Variants in CA10 observed in about 807,000 individuals in gnomAD.
CA10 encodes carbonic anhydrase-related protein 10.
CA10 carries 14 observed loss-of-function variants against 44.2 expected under a neutral mutation model. The ratio of observed to expected loss-of-function variants is 0.32; its 90% CI spans 0.21 to 0.50. The LOEUF (loss-of-function observed/expected upper bound fraction) is 0.50, where lower values mean the gene tolerates loss of function less well. Among genes scored for constraint, CA10 ranks in the 20% least tolerant of loss-of-function variants. The pLI, the probability that CA10 is intolerant of heterozygous loss-of-function variation, is 0.99. For missense variants in CA10, 350 were observed against 409.7 expected (o/e 0.85, Z 1.26); for synonymous variants, 159 against 141.6 (o/e 1.12, Z -0.87).
chr17:51,678,260 A>C (rs1012348838), intron 4 of CA10, among the ~76,000 whole-genome samples: 3 of 152,216 alleles, frequency 2.0e-5, no homozygotes, highest in Admixed American at 2.0e-4. Context: ...TTCCTTTTGG[A>C]ATGGTGAAAG....
At chr17:51,814,077 T>A (rs1472640373) in intron 3 of CA10, among the ~76,000 whole-genome samples, 1 of 152,192 alleles carries the variant, frequency 6.6e-6, no homozygotes, top group African/African-American at 2.4e-5. Flanking sequence ...ATTAATCTGG[T>A]CTGTGACTTC....
At chr17:52,090,720 G>A (rs1033555164) in intron 1 of CA10, among the ~76,000 whole-genome samples, 5 of 152,018 alleles carry the variant, frequency 3.3e-5, no homozygotes, top group African/African-American at 1.2e-4. Context: ...GGTTTTTTAT[G>A]CATTCTAGGT....
chr17:51,711,632 A>T (rs1915945536), intron 4 of CA10, among the ~76,000 whole-genome samples: 1 of 152,228 alleles, frequency 6.6e-6, no homozygotes, highest in Non-Finnish European at 1.5e-5. Context: ...GTCCCCAGAA[A>T]AGGGGAAGGA....
intron 1 of CA10, among the ~76,000 whole-genome samples, chr17:52,090,205 A>G (rs1988222603): frequency 6.6e-6 from 1 of 152,196 alleles, no homozygotes; most frequent in Admixed American, 6.5e-5. Flanking sequence ...TTCAAAAGTG[A>G]TAGGCCAAGT....
rs991235198 is a variant in CA10, at chr17:52,052,260, C to T, written c.136+20059G>A. Reference sequence around the variant, plus strand: ...TAAGTTTACCTAGGTAACAAACAAACCTGCACTTGTACCCCTGAACTTAAA... The same window carrying T: ...TAAGTTTACCTAGGTAACAAACAAATCTGCACTTGTACCCCTGAACTTAAA... On this transcript the variant is annotated intron_variant, in intron 2 of 8. Transcript: ENST00000451037. 3.4e-5 allele frequency among the ~76,000 whole-genome samples: 5 copies of T among 148,546 alleles called. No individual in the cohort carries two copies. In the East Asian group the frequency reaches 1.0e-3, roughly 30 times the overall value.
chr17:51,867,538 T>G (rs537427047), intron 3 of CA10, among the ~76,000 whole-genome samples: 1 of 152,284 alleles, frequency 6.6e-6, no homozygotes, highest in African/African-American at 2.4e-5. Context: ...CTCTAGGTGG[T>G]TGTGAGAATT....
chr17:52,063,708 C>T (rs928496895), intron 2 of CA10, among the ~76,000 whole-genome samples: 1 of 152,176 alleles, frequency 6.6e-6, no homozygotes, highest in South Asian at 2.1e-4. Context: ...GAGGCCCTCA[C>T]CAGATGCAGA....
intron 2 of CA10, among the ~76,000 whole-genome samples, chr17:51,934,119 C>G (rs926929216): frequency 2.6e-5 from 4 of 152,224 alleles, no homozygotes; most frequent in Non-Finnish European, 5.9e-5. Flanking sequence ...GGCTCCAGCC[C>G]TGAACTGCTA....
chr17:51,861,192 A>G (rs903906133), intron 3 of CA10, among the ~76,000 whole-genome samples: 12 of 151,876 alleles, frequency 7.9e-5, no homozygotes, highest in Non-Finnish European at 1.6e-4. Context: ...GAGATCTGAT[A>G]CTCCTAGTAG....
At chr17:51,807,068 T>C (rs1320121241) in intron 3 of CA10, among the ~76,000 whole-genome samples, 1 of 152,244 alleles carries the variant, frequency 6.6e-6, no homozygotes, top group Admixed American at 6.5e-5. Context: ...AAGGTATTAG[T>C]TGAGATGCAA....
intron 1 of CA10, among the ~76,000 whole-genome samples, chr17:52,136,989 T>G (rs541039323): frequency 6.6e-6 from 1 of 152,338 alleles, no homozygotes; most frequent in African/African-American, 2.4e-5. Flanking sequence ...ATTTTTTCCC[T>G]GTAAAAATTA....
rs182245741 is a variant in CA10 at position 51,705,319 on chromosome 17, T to A, written c.465+42314A>T. On this transcript the variant is annotated intron_variant, in intron 4 of 8. Coordinates refer to ENST00000451037, the MANE Select transcript of CA10 (RefSeq NM_020178.5). ...CCAGGTGAGGCCTGGCTTCTATATA[T>A]ACACATAGATCAATGTTTCTTCCTT... Among the ~76,000 whole-genome samples, 9 of 152,266 alleles carry A rather than the reference T, an allele frequency of 5.9e-5. No individual in the cohort carries two copies. In the East Asian group the frequency reaches 7.7e-4, roughly 13 times the overall value.
At chr17:51,951,022 C>A (rs1370935929) in intron 2 of CA10, among the ~76,000 whole-genome samples, 1 of 152,082 alleles carries the variant, frequency 6.6e-6, no homozygotes, top group African/African-American at 2.4e-5. Flanking sequence ...TGGAAATCAC[C>A]AACTTAAGGA....
intron 2 of CA10, among the ~76,000 whole-genome samples, chr17:52,059,782 C>G (rs969122864): frequency 6.6e-6 from 1 of 152,106 alleles, no homozygotes; most frequent in Non-Finnish European, 1.5e-5. Flanking sequence ...CAATATGCCA[C>G]AGGGCTCATT....
At chr17:52,026,288 A>T (rs1272395231) in intron 2 of CA10, among the ~76,000 whole-genome samples, 2 of 152,178 alleles carry the variant, frequency 1.3e-5, no homozygotes, top group African/African-American at 4.8e-5. Flanking sequence ...AAATTACGTA[A>T]GCCTCAAAGT....
At chr17:51,665,764 C>T (rs1193158092) in intron 4 of CA10, among the ~76,000 whole-genome samples, 7 of 152,280 alleles carry the variant, frequency 4.6e-5, no homozygotes, top group African/African-American at 7.2e-5. Flanking sequence ...AATCAAAATA[C>T]GATATTGTAG....
intron 6 of CA10, among the ~76,000 whole-genome samples, chr17:51,646,291 G>A (rs999846708): frequency 6.6e-6 from 1 of 152,212 alleles, no homozygotes; most frequent in Non-Finnish European, 1.5e-5. Context: ...GAGCCTGTAT[G>A]TAAAGCATAG....
chr17:52,102,708 T>C (rs1363456661), intron 1 of CA10, among the ~76,000 whole-genome samples: 1 of 152,220 alleles, frequency 6.6e-6, no homozygotes, highest in African/African-American at 2.4e-5. Flanking sequence ...AACCACTTGC[T>C]GCCTGATTCA....
intron 4 of CA10, among the ~76,000 whole-genome samples, chr17:51,681,169 G>C (rs2143390618): frequency 6.6e-6 from 1 of 152,276 alleles, no homozygotes; most frequent in African/African-American, 2.4e-5. Context: ...ACCTGGATAA[G>C]TTATTTTAAA....
Sources: allele counts gnomAD v4.1 joint callset (sites outside exome capture counted in the v4.1 genomes callset), GRCh38; gene constraint gnomAD v4.1.1; transcripts MANE v1.5; gene names NCBI Gene and HGNC (gene_info 2026-07-23, HGNC 2026-07-21).